DCAF6: variants seen among roughly 807,000 people sequenced by gnomAD.
The protein encoded by DCAF6 is DDB1 and CUL4 associated factor 6.
In DCAF6, 54 loss-of-function variants were observed where a neutral mutation model predicts 125.1. The ratio of observed to expected loss-of-function variants is 0.43; its 90% CI spans 0.35 to 0.54. The LOEUF is 0.54. Ranked by LOEUF, DCAF6 falls within the 20% of genes least tolerant of loss-of-function variation. The probability of loss-of-function intolerance (pLI) is 0.01; values close to 1 mark genes in which losing one functional copy is unlikely to be tolerated. For synonymous variants in DCAF6, 371 were observed against 390.4 expected, an observed-to-expected ratio of 0.95 and a Z score of 0.58; for missense variants, 934 against 1,161.7, an observed-to-expected ratio of 0.80 and a Z score of 2.85.
intron 20 of DCAF6, 93 bp downstream of exon 20, chr1:168,066,558 T>A: frequency 1.2e-6 from 1 of 845,054 alleles, no homozygotes; most frequent in Non-Finnish European, 1.9e-6. Context: ...GTTGCTAACA[T>A]GAAACAAGTT....
At chr1:167,866,404 T>C in the DCAF6 span, among the ~76,000 whole-genome samples, 2 of 151,916 alleles carry the variant, frequency 1.3e-5, no homozygotes, top group South Asian at 2.1e-4. Context: ...TTAATAAAAA[T>C]GTAAATTAGA....
At chr1:167,920,750 G>T in the DCAF6 span, 2 of 950,168 alleles carry the variant, frequency 2.1e-6, no homozygotes, top group Non-Finnish European at 3.0e-6. Context: ...TAATTTTAGT[G>T]TCCATTCATT....
the DCAF6 span, chr1:167,883,615 T>A: frequency 1.2e-6 from 2 of 1,614,244 alleles, no homozygotes; most frequent in African/African-American, 2.7e-5. Flanking sequence ...GCCCTGAAGC[T>A]GTTTGTTATC....
the DCAF6 span, chr1:167,924,631 T>C: frequency 2.0e-5 from 18 of 886,270 alleles, no homozygotes; most frequent in African/African-American, 2.8e-4. Flanking sequence ...AACCAAAGGA[T>C]TTATCAACCT....
At chr1:167,954,539 G>A (rs1388630861) in intron 2 of DCAF6, among the ~76,000 whole-genome samples, 3 of 151,690 alleles carry the variant, frequency 2.0e-5, no homozygotes, top group East Asian at 3.9e-4. Flanking sequence ...TGCAAGCTCC[G>A]CCTCCCGGAT....
intron 1 of DCAF6, among the ~76,000 whole-genome samples, chr1:167,948,245 C>T (rs376990663): frequency 6.6e-6 from 1 of 151,540 alleles, no homozygotes; most frequent in East Asian, 1.9e-4. Context: ...ATGGTGGAGA[C>T]CTTTTTACAC....
chr1:167,915,038 C>T, the DCAF6 span, among the ~76,000 whole-genome samples: 5 of 152,258 alleles, frequency 3.3e-5, no homozygotes, highest in South Asian at 4.1e-4. Context: ...TTAATAAATG[C>T]CAGTGTTTTC....
At chr1:167,865,994 A>G in the DCAF6 span, among the ~76,000 whole-genome samples, 1 of 152,212 alleles carries the variant, frequency 6.6e-6, no homozygotes, top group Admixed American at 6.5e-5. Flanking sequence ...CACTAAGTTC[A>G]CTTCATGTCT....
chr1:167,893,093 G>GA, the DCAF6 span, among the ~76,000 whole-genome samples: 1 of 152,162 alleles, frequency 6.6e-6, no homozygotes, highest in South Asian at 2.1e-4. Flanking sequence ...AAGATTAAGA[G>GA]AATAAAAAGA....
chr1:167,931,497 A>C (rs1019244991), upstream of DCAF6, among the ~76,000 whole-genome samples: 1 of 152,026 alleles, frequency 6.6e-6, no homozygotes, highest in African/African-American at 2.4e-5. Flanking sequence ...ACTTTAAAAA[A>C]TAATATATGT....
intron 18 of DCAF6, chr1:168,064,073 T>C (rs1017293379): frequency 1.4e-5 from 2 of 147,052 alleles, no homozygotes; most frequent in African/African-American, 5.6e-5. Context: ...GAAAAGTTTC[T>C]GGTGGATTTT....
chr1:168,025,014 A>G (rs995444065), intron 12 of DCAF6, among the ~76,000 whole-genome samples: 1 of 152,164 alleles, frequency 6.6e-6, no homozygotes, highest in Non-Finnish European at 1.5e-5. Flanking sequence ...GGTATTAACA[A>G]TGAAGAATAA....
intron 2 of DCAF6, among the ~76,000 whole-genome samples, chr1:167,964,626 G>T (rs763581508): frequency 1.3e-5 from 2 of 152,092 alleles, no homozygotes; most frequent in Non-Finnish European, 2.9e-5. Context: ...TATTATTTCA[G>T]ATATTCTGTT....
the DCAF6 span, among the ~76,000 whole-genome samples, chr1:167,879,104 C>T: frequency 1.3e-5 from 2 of 152,288 alleles, no homozygotes; most frequent in South Asian, 2.1e-4. Context: ...CTAGAAGAGG[C>T]GTGCATGGAG....
In DCAF6 at chr1:168,035,206, G is replaced by C. The variant is rs1215741118; in HGVS notation, c.1610-3165G>C. Among the ~76,000 whole-genome samples, 5 of 152,318 alleles carry C rather than the reference G, an allele frequency of 3.3e-5. No homozygotes were observed. In the South Asian group the frequency reaches 8.3e-4, roughly 25 times the overall value. ...CACACCTGTACTCCCAGCACTTTGA[G>C]AGGCCAAGGCAGACGGATTGCTTGA... On this transcript the variant is annotated intron_variant, in intron 12 of 21. Coordinates refer to ENST00000367840, the MANE Select transcript of DCAF6 (RefSeq NM_001198956.2).
intron 16 of DCAF6, among the ~76,000 whole-genome samples, chr1:168,045,645 A>T (rs1259794285): frequency 6.6e-6 from 1 of 152,270 alleles, no homozygotes; most frequent in Non-Finnish European, 1.5e-5. Flanking sequence ...GGATTAAGGT[A>T]GTGTGTTAGT....
chr1:167,973,067 T>C (rs1287336053), intron 3 of DCAF6, among the ~76,000 whole-genome samples: 1 of 152,244 alleles, frequency 6.6e-6, no homozygotes, highest in African/African-American at 2.4e-5. Context: ...AATGGCTGTA[T>C]GTAGTGTGTA....
the DCAF6 span, among the ~76,000 whole-genome samples, chr1:167,882,541 C>T: frequency 2.0e-5 from 3 of 151,204 alleles, no homozygotes; most frequent in African/African-American, 7.3e-5. Context: ...AGAGGCAGTC[C>T]CCTCCCTGCC....
rs942456466 is a variant in DCAF6, at chr1:167,944,134, G to A, written c.97+7126G>A. 3.9e-5 allele frequency among the ~76,000 whole-genome samples: 6 copies of A among 152,118 alleles called. No homozygotes were observed. The South Asian group carries it at 8.3e-4, about 21-fold the overall frequency. On this transcript the variant is annotated intron_variant, in intron 1 of 21. Coordinates refer to ENST00000367840, the MANE Select transcript of DCAF6 (RefSeq NM_001198956.2). ...TGGGATCACAGGGGTGAGCCACCACGCCCAGCCTGATTTCATTCTTTGTTA... is the reference window on the plus strand; with the variant it reads ...TGGGATCACAGGGGTGAGCCACCACACCCAGCCTGATTTCATTCTTTGTTA...
Sources: allele counts gnomAD v4.1 joint callset (sites outside exome capture counted in the v4.1 genomes callset), GRCh38; gene constraint gnomAD v4.1.1; transcripts MANE v1.5; gene names NCBI Gene and HGNC (gene_info 2026-07-23, HGNC 2026-07-21).